The following TENM2 variants were observed in gnomAD, a reference collection of about 807,000 sequenced individuals.
TENM2 encodes the protein teneurin transmembrane protein 2, also known as teneurin-2.
TENM2 carries 52 observed loss-of-function variants against 245.2 expected under a neutral mutation model. That is an observed-to-expected ratio of 0.21 (90% CI 0.17 to 0.27). The LOEUF (loss-of-function observed/expected upper bound fraction) is 0.27. TENM2 is among the 10% of genes least tolerant of loss of function. TENM2 has a pLI of 1.00. For synonymous variants in TENM2, 1,363 were observed against 1,438.9 expected (o/e 0.95, Z 1.19); for missense variants, 3,046 against 3,666.8 (o/e 0.83, Z 4.37).
At chr5:167,902,148 G>A (rs1775753854) in intron 3 of TENM2, among the ~76,000 whole-genome samples, 1 of 152,136 alleles carries the variant, frequency 6.6e-6, no homozygotes, top group Non-Finnish European at 1.5e-5. Context: ...GGTTCTGGGT[G>A]TTTGTGCATG....
intron 14 of TENM2, among the ~76,000 whole-genome samples, chr5:168,191,318 C>G (rs927092518): frequency 6.6e-6 from 1 of 152,346 alleles, no homozygotes; most frequent in African/African-American, 2.4e-5. Context: ...ACCCCATCCC[C>G]TCCTCTTTTC....
chr5:168,103,137 T>C (rs1265346153), intron 9 of TENM2, among the ~76,000 whole-genome samples: 1 of 151,666 alleles, frequency 6.6e-6, no homozygotes, highest in African/African-American at 2.4e-5. Flanking sequence ...CGGTGTTTGG[T>C]TTTTTGTCCT....
At chr5:167,257,793 G>A in the TENM2 span, among the ~76,000 whole-genome samples, 1 of 152,048 alleles carries the variant, frequency 6.6e-6, no homozygotes, top group African/African-American at 2.4e-5. Context: ...CTTGGTACAT[G>A]TAAATGAAAA....
At chr5:167,445,369 A>AGAGAGAGAGAGAGAGAGAGAGAGAGTGT (rs35699708) in intron 2 of TENM2, among the ~76,000 whole-genome samples, 3 of 98,578 alleles carry the variant, frequency 3.0e-5, no homozygotes, top group Non-Finnish European at 5.6e-5. Context: ...AGAGAGAGAG[A>AGAGAGAGAGAGAGAGAGAGAGAGAGTGT]GTGTCAGGTG....
chr5:167,550,313 T>C (rs1447902464), intron 2 of TENM2, among the ~76,000 whole-genome samples: 2 of 152,152 alleles, frequency 1.3e-5, no homozygotes, highest in African/African-American at 4.8e-5. Context: ...AGCATAGATG[T>C]TATTATGGTG....
chr5:167,435,507 C>G (rs183778675), intron 2 of TENM2, among the ~76,000 whole-genome samples: 3 of 152,252 alleles, frequency 2.0e-5, no homozygotes, highest in African/African-American at 7.2e-5. Flanking sequence ...AACTGTGAAT[C>G]TAATTAAACC....
intron 2 of TENM2, among the ~76,000 whole-genome samples, chr5:167,407,425 G>A (rs1762694811): frequency 6.6e-6 from 1 of 152,094 alleles, no homozygotes; most frequent in Non-Finnish European, 1.5e-5. Flanking sequence ...CCCAGATCTT[G>A]TAATTTTCCA....
intron 5 of TENM2, chr5:168,033,236 A>C (rs2151962236): frequency 6.6e-6 from 1 of 152,336 alleles, no homozygotes; most frequent in Middle Eastern, 3.4e-3. Context: ...AATGTAGTTA[A>C]GAAATAACAG....
At chr5:167,570,964 T>C (rs57030039) in intron 2 of TENM2, among the ~76,000 whole-genome samples, 3,155 of 152,176 alleles carry the variant, frequency 0.021, 123 homozygotes, top group African/African-American at 0.072. Context: ...GTAGAACTTA[T>C]TGAGTTTTAA....
intron 2 of TENM2, among the ~76,000 whole-genome samples, chr5:167,479,752 G>A (rs1767638049): frequency 6.6e-6 from 1 of 152,168 alleles, no homozygotes; most frequent in Non-Finnish European, 1.5e-5. Context: ...TAAACTTGAA[G>A]CCATCATTGC....
chr5:167,823,544 G>A (rs1056108346), intron 2 of TENM2, among the ~76,000 whole-genome samples: 6 of 152,148 alleles, frequency 3.9e-5, no homozygotes, highest in Non-Finnish European at 8.8e-5. Flanking sequence ...TGCAAGGGCA[G>A]TATTTTCTTT....
the TENM2 span, among the ~76,000 whole-genome samples, chr5:167,219,830 G>A: frequency 6.6e-6 from 1 of 152,188 alleles, no homozygotes; most frequent in African/African-American, 2.4e-5. Context: ...GCATTCTAGT[G>A]TTGCCTGAAA....
the TENM2 span, among the ~76,000 whole-genome samples, chr5:167,144,949 A>G: frequency 2.0e-5 from 3 of 152,180 alleles, no homozygotes; most frequent in Non-Finnish European, 4.4e-5. Flanking sequence ...AATTTTAGGG[A>G]GAATCCTTTC....
At chr5:167,712,442 C>A (rs1233038588) in intron 2 of TENM2, among the ~76,000 whole-genome samples, 1 of 152,122 alleles carries the variant, frequency 6.6e-6, no homozygotes, top group Non-Finnish European at 1.5e-5. Context: ...AGCAAGTTTT[C>A]CCCCTAGAAT....
chr5:167,364,171 T>G (rs569493100), intron 1 of TENM2, among the ~76,000 whole-genome samples: 2 of 152,076 alleles, frequency 1.3e-5, no homozygotes, highest in Non-Finnish European at 2.9e-5. Flanking sequence ...AGGCAATGAC[T>G]GAGACTTTTT....
chr5:168,195,325 T>A, intron 15 of TENM2, 30 bp downstream of exon 17: 1 of 1,559,734 alleles, frequency 6.4e-7, no homozygotes, highest in South Asian at 1.2e-5. Context: ...TCGGACCTAC[T>A]CAGGACCACA....
At chr5:167,031,858 C>T in the TENM2 span, among the ~76,000 whole-genome samples, 1 of 152,154 alleles carries the variant, frequency 6.6e-6, no homozygotes, top group Non-Finnish European at 1.5e-5. Flanking sequence ...GCCACTGCCC[C>T]CAGCCTATTT....
At chr5:167,270,158 A>G in the TENM2 span, among the ~76,000 whole-genome samples, 1 of 152,172 alleles carries the variant, frequency 6.6e-6, no homozygotes, top group African/African-American at 2.4e-5. Context: ...GTAGAATATC[A>G]AATGGGTTAT....
intron 5 of TENM2, among the ~76,000 whole-genome samples, chr5:168,001,467 G>A (rs534863471): frequency 6.6e-6 from 1 of 152,342 alleles, no homozygotes; most frequent in South Asian, 2.1e-4. Context: ...CTATTTCTCT[G>A]TAAATGAGGA....
Sources: gnomAD v4.1 joint callset for allele counts (sites outside exome capture counted in the v4.1 genomes callset) on GRCh38, gnomAD v4.1.1 for gene constraint, MANE v1.5 for transcripts, NCBI Gene and HGNC (gene_info 2026-07-23, HGNC 2026-07-21) for gene names.